Variants in DPF3 observed in about 807,000 individuals in gnomAD.
DPF3 encodes zinc finger protein DPF3.
In DPF3, 18 loss-of-function variants were observed where a neutral mutation model predicts 56.8. The ratio of observed to expected loss-of-function variants is 0.32; its 90% CI spans 0.22 to 0.47. DPF3 has a LOEUF of 0.47. DPF3 is among the 20% of genes least tolerant of loss of function. The pLI is 1.00. For missense variants in DPF3, 403 were observed against 488.8 expected (o/e 0.82, Z 1.65); for synonymous variants, 188 against 180.2 (o/e 1.04, Z -0.35).
At chr14:72,676,534 C>T (rs1024137188) in intron 7 of DPF3, among the ~76,000 whole-genome samples, 1 of 152,206 alleles carries the variant, frequency 6.6e-6, no homozygotes, top group Non-Finnish European at 1.5e-5. Flanking sequence ...ACCCAAATCT[C>T]ATCTTGAATT....
intron 1 of DPF3, among the ~76,000 whole-genome samples, chr14:72,890,682 C>A (rs1599529882): frequency 6.6e-6 from 1 of 152,108 alleles, no homozygotes; most frequent in East Asian, 1.9e-4. Context: ...TCTCATACAT[C>A]TTTGCTCAGA....
chr14:72,777,677 T>C (rs1347961818), intron 1 of DPF3, among the ~76,000 whole-genome samples: 2 of 152,216 alleles, frequency 1.3e-5, no homozygotes, highest in Non-Finnish European at 2.9e-5. Context: ...GTCTTCGTGA[T>C]AGCAAGTGAG....
At chr14:72,741,136 G>A (rs922389679) in intron 3 of DPF3, among the ~76,000 whole-genome samples, 2 of 152,178 alleles carry the variant, frequency 1.3e-5, no homozygotes, top group Admixed American at 6.5e-5. Context: ...GCGGGGCAGT[G>A]AGCTGTCTGC....
chr14:72,683,848 G>A lies in DPF3; in HGVS notation c.742+9228C>T, dbSNP rs997019468. On this transcript the variant is annotated intron_variant, in intron 7 of 10. Transcript: ENST00000556509. ...GTGGCCACGCATCCAGGTTTGACTG[G>A]GACAGAGGGTTCTAGGGCGTGGGGC... Among the ~76,000 whole-genome samples the A allele has an allele frequency of 5.3e-5, 8 of 152,204 alleles. No individual in the cohort carries two copies. In the East Asian group the frequency reaches 1.2e-3, roughly 22 times the overall value.
At chr14:72,812,999 G>A (rs558763633) in intron 1 of DPF3, among the ~76,000 whole-genome samples, 5 of 152,230 alleles carry the variant, frequency 3.3e-5, no homozygotes, top group Admixed American at 2.0e-4. Flanking sequence ...CAGACACACC[G>A]CATCGCCTCT....
intron 3 of DPF3, among the ~76,000 whole-genome samples, chr14:72,745,117 G>T (rs1293496212): frequency 6.6e-6 from 1 of 152,152 alleles, no homozygotes; most frequent in East Asian, 1.9e-4. Context: ...ACCATGGGTG[G>T]GTGGGTTGGT....
At chr14:72,787,294 CCT>C (rs1892250678) in intron 1 of DPF3, among the ~76,000 whole-genome samples, 3 of 152,188 alleles carry the variant, frequency 2.0e-5, no homozygotes, top group Non-Finnish European at 2.9e-5. Context: ...CGGGTCTGCC[CCT>C]GTTAGGCTGA....
At chr14:72,703,899 G>A (rs1187166202) in intron 6 of DPF3, among the ~76,000 whole-genome samples, 1 of 152,180 alleles carries the variant, frequency 6.6e-6, no homozygotes, top group Non-Finnish European at 1.5e-5. Context: ...CCCCAGCTTA[G>A]GTGTTAAATA....
At chr14:72,771,341 A>G (rs1419897192) in intron 2 of DPF3, among the ~76,000 whole-genome samples, 1 of 152,214 alleles carries the variant, frequency 6.6e-6, no homozygotes, top group Admixed American at 6.5e-5. Flanking sequence ...CCTGAGGGAC[A>G]GAAGTTTGGT....
intron 1 of DPF3, among the ~76,000 whole-genome samples, chr14:72,829,855 GCCTCAGCCT>G: frequency 6.6e-6 from 1 of 151,914 alleles, no homozygotes; most frequent in East Asian, 1.9e-4. Flanking sequence ...TGATTCTCCT[GCCTCAGCCT>G]CCCAAGTAGC....
chr14:72,622,880 C>A lies in DPF3; in HGVS notation c.985-2896G>T, dbSNP rs186762757. ...CCTGACTCCTCCTCAAAGGCTCTGC[C>A]AAGTCAACAAAAAAATCCTCTACAT... On this transcript the variant is annotated intron_variant, in intron 9 of 10. Transcript: ENST00000556509. 1.5e-3 allele frequency among the ~76,000 whole-genome samples: 229 copies of A among 152,206 alleles called. 1 individual carries two copies. The highest frequency in any genetic ancestry group is 3.0e-3 in the Non-Finnish European group (201 of 68,010).
intron 1 of DPF3, among the ~76,000 whole-genome samples, chr14:72,867,481 G>T (rs970614099): frequency 2.6e-5 from 4 of 152,120 alleles, no homozygotes; most frequent in Non-Finnish European, 5.9e-5. Flanking sequence ...GGGCAGAGGG[G>T]TCAAAAGAAC....
chr14:72,721,732 G>C (rs2153576574), intron 5 of DPF3, among the ~76,000 whole-genome samples: 1 of 152,100 alleles, frequency 6.6e-6, no homozygotes, highest in African/African-American at 2.4e-5. Flanking sequence ...AGAAATGTTT[G>C]TACACACATA....
intron 8 of DPF3, among the ~76,000 whole-genome samples, chr14:72,658,606 AG>A (rs935142129): frequency 1.3e-5 from 2 of 152,192 alleles, no homozygotes; most frequent in African/African-American, 4.8e-5. Flanking sequence ...CAGAGGAAAA[AG>A]AAATGGATAG....
chr14:72,664,644 G>A (rs895521012), intron 8 of DPF3, among the ~76,000 whole-genome samples: 1 of 146,676 alleles, frequency 6.8e-6, no homozygotes, highest in Admixed American at 7.0e-5. Flanking sequence ...TGCCCCCTCT[G>A]ACTTAACCAC....
At chr14:72,839,572 G>A (rs1884462636) in intron 1 of DPF3, among the ~76,000 whole-genome samples, 1 of 152,192 alleles carries the variant, frequency 6.6e-6, no homozygotes, top group Non-Finnish European at 1.5e-5. Flanking sequence ...GTCAGATTTG[G>A]CCAAAGTGTC....
intron 1 of DPF3, among the ~76,000 whole-genome samples, chr14:72,863,574 A>G (rs1885540865): frequency 6.6e-6 from 1 of 150,872 alleles, no homozygotes; most frequent in Non-Finnish European, 1.5e-5. Flanking sequence ...AAAAAAAAAA[A>G]GCAACCGATG....
chr14:72,636,776 T>C (rs951419852), intron 8 of DPF3, among the ~76,000 whole-genome samples: 3 of 152,232 alleles, frequency 2.0e-5, no homozygotes, highest in African/African-American at 4.8e-5. Context: ...TGCAAATCGA[T>C]GATCACAATG....
chr14:72,791,577 G>A (rs973230891), intron 1 of DPF3, among the ~76,000 whole-genome samples: 2 of 152,200 alleles, frequency 1.3e-5, no homozygotes, highest in Admixed American at 6.5e-5. Flanking sequence ...CCCCTGTGCG[G>A]GGTGTTAAGG....
Sources: gnomAD v4.1 joint callset for allele counts (sites outside exome capture counted in the v4.1 genomes callset) on GRCh38, gnomAD v4.1.1 for gene constraint, MANE v1.5 for transcripts, NCBI Gene and HGNC (gene_info 2026-07-23, HGNC 2026-07-21) for gene names.